OR3A2: variants seen among roughly 807,000 people sequenced by gnomAD.
The protein encoded by OR3A2 is olfactory receptor 3A2.
For synonymous variants in OR3A2, 126 were observed against 159.3 expected, an observed-to-expected ratio of 0.79 and a Z score of 1.57; for missense variants, 318 against 392.8, an observed-to-expected ratio of 0.81 and a Z score of 1.61.
chr17:3,352,689 C>T (rs117577092), intron 2 of OR3A2, among the ~76,000 whole-genome samples: 3,184 of 152,010 alleles, frequency 0.021, 44 homozygotes, highest in Non-Finnish European at 0.03. Flanking sequence ...CATAATTCTT[C>T]CAGTTTTGTT....
At chr17:3,375,733 A>G (rs909884514) in intron 2 of OR3A2, among the ~76,000 whole-genome samples, 11 of 152,162 alleles carry the variant, frequency 7.2e-5, no homozygotes, top group Admixed American at 1.3e-4. Flanking sequence ...AGACTGTTTT[A>G]GTGGAAAAAT....
At chr17:3,321,417 T>G (rs554820447) in intron 3 of OR3A2, among the ~76,000 whole-genome samples, 2,267 of 152,176 alleles carry the variant, frequency 0.015, 69 homozygotes, top group African/African-American at 0.05. Flanking sequence ...CAACACTATG[T>G]TGAATAGGAG....
At chr17:3,279,935 G>T (rs1030550098) in intron 1 of OR3A2, among the ~76,000 whole-genome samples, 2 of 152,164 alleles carry the variant, frequency 1.3e-5, no homozygotes, top group African/African-American at 4.8e-5. Flanking sequence ...ATTTCTTCAA[G>T]GTGAGGGACC....
intron 1 of OR3A2, among the ~76,000 whole-genome samples, chr17:3,279,727 G>T (rs1409119085): frequency 6.6e-6 from 1 of 152,164 alleles, no homozygotes; most frequent in Non-Finnish European, 1.5e-5. Context: ...CGTGGAGGTT[G>T]CAGTGAGCCA....
In OR3A2 at chr17:3,292,019, G is replaced by C. The variant is rs2048875447; in HGVS notation, c.-84-12866C>G. 8.1e-6 allele frequency: 13 copies of C among 1,614,124 alleles called. No individual in the cohort carries two copies. The highest frequency in any genetic ancestry group is 1.0e-5 in the Non-Finnish European group (12 of 1,180,054). ...GTTGGGTGCTGGAGCAGGAGAGCTGGAAGAGCTGTGGGAGGTCACAGTAGA... is the reference window on the plus strand; with the variant it reads ...GTTGGGTGCTGGAGCAGGAGAGCTGCAAGAGCTGTGGGAGGTCACAGTAGA... On this transcript the variant is annotated intron_variant, in intron 3 of 4. Coordinates refer to the OR3A2 transcript ENST00000573491.
chr17:3,330,299 G>A (rs2049219162), intron 3 of OR3A2, among the ~76,000 whole-genome samples: 1 of 150,018 alleles, frequency 6.7e-6, no homozygotes, highest in African/African-American at 2.5e-5. Flanking sequence ...TCTGTCTAAT[G>A]TTGACAATGG....
chr17:3,337,667 T>G (rs1344835082), intron 2 of OR3A2, among the ~76,000 whole-genome samples: 1 of 152,208 alleles, frequency 6.6e-6, no homozygotes, highest in African/African-American at 2.4e-5. Flanking sequence ...CTTAATCCAG[T>G]CTATCACTGA....
At chr17:3,287,141 T>C (rs116293780), upstream of OR3A2, among the ~76,000 whole-genome samples, 2,339 of 152,286 alleles carry the variant, frequency 0.015, 68 homozygotes, top group African/African-American at 0.053. Context: ...CTTTATATGG[T>C]AAAGGAGACT....
At chr17:3,314,124 AC>A (rs2049063004) in intron 3 of OR3A2, among the ~76,000 whole-genome samples, 1 of 152,226 alleles carries the variant, frequency 6.6e-6, no homozygotes, top group Non-Finnish European at 1.5e-5. Context: ...TTCTCCTCAA[AC>A]AAAAAAACCC....
chr17:3,311,868 C>T lies in OR3A2; in HGVS notation c.-85+24165G>A, dbSNP rs113642942. On this transcript the variant is annotated intron_variant, in intron 3 of 4. Transcript: ENST00000573491. This position sits in a 1 kb window ranked among gnomAD's most constrained non-coding sequence, Gnocchi z 4.6. ...CCATGCTGAACCCAGTCATTTACAG[C>T]CTCCAGAACCCTGATGTGCAGGGCA... is the stretch of plus-strand genomic sequence containing the variant. 4.0e-3 allele frequency: 653 copies of T among 162,420 alleles called. 2 individuals are homozygous for T. Among genetic ancestry groups the T allele is most frequent in the Non-Finnish European group, 7.0e-3 (511 of 72,728 alleles). The allele number at this position is 162,420 out of a possible 1,614,324, so 10.1% of individuals were successfully genotyped here. A position where few individuals can be genotyped will look rare whatever the true frequency, so the allele number is the denominator to read the frequency against.
At chr17:3,333,883 A>G (rs1249379988) in intron 3 of OR3A2, among the ~76,000 whole-genome samples, 1 of 152,212 alleles carries the variant, frequency 6.6e-6, no homozygotes, top group Non-Finnish European at 1.5e-5. Flanking sequence ...TCCAGAGTCT[A>G]CAAGGAACTT....
rs188225616 is a variant in OR3A2, at chr17:3,340,064, G to A, written c.-178-3938C>T. On this transcript the variant is annotated intron_variant, in intron 2 of 4. Coordinates refer to the OR3A2 transcript ENST00000573491. ...GATTTTGTAGTTCATTTGTGTAGAG[G>A]TGTTTATAGTATTCTCTGATGGTGG... 7.6e-4 allele frequency among the ~76,000 whole-genome samples: 116 copies of A among 152,216 alleles called. 1 individual carries two copies. Among genetic ancestry groups the A allele is most frequent in the Non-Finnish European group, 1.2e-3 (82 of 67,996 alleles).
chr17:3,319,497 G>C (rs1171978679), intron 3 of OR3A2, among the ~76,000 whole-genome samples: 1 of 151,886 alleles, frequency 6.6e-6, no homozygotes, highest in African/African-American at 2.4e-5. Flanking sequence ...TTTAGCATTA[G>C]GTATATCTCC....
intron 3 of OR3A2, chr17:3,291,822 A>C: frequency 6.2e-7 from 1 of 1,613,848 alleles, no homozygotes. Flanking sequence ...TGAACCATAG[A>C]ATATGGCAAC....
chr17:3,278,722 G>A, exon 2 of OR3A2: 1 of 1,324,392 alleles, frequency 7.6e-7, no homozygotes, highest in Non-Finnish European at 1.0e-6. Flanking sequence ...AGGTTCCCCA[G>A]GAAGAAGTAC....
At chr17:3,371,658 C>T in intron 2 of OR3A2, among the ~76,000 whole-genome samples, 1 of 137,042 alleles carries the variant, frequency 7.3e-6, no homozygotes, top group East Asian at 2.4e-4. Context: ...CAGAGGCGCC[C>T]CTCACCTCCC....
At chr17:3,332,684 G>A (rs1048450269) in intron 3 of OR3A2, among the ~76,000 whole-genome samples, 2 of 152,222 alleles carry the variant, frequency 1.3e-5, no homozygotes, top group Non-Finnish European at 2.9e-5. Context: ...GCTGGGAGCT[G>A]TAGACCAGAG....
intron 2 of OR3A2, among the ~76,000 whole-genome samples, chr17:3,362,148 G>A (rs907332209): frequency 7.9e-5 from 12 of 151,396 alleles, no homozygotes; most frequent in African/African-American, 2.4e-5. Context: ...GTCTTGGGAG[G>A]GTGTATGTGT....
At chr17:3,381,273 CATTTTAGCATGG>C (rs1269316508) in intron 2 of OR3A2, among the ~76,000 whole-genome samples, 1 of 151,328 alleles carries the variant, frequency 6.6e-6, no homozygotes, top group Non-Finnish European at 1.5e-5. Context: ...CAAAAGTGAC[CATTTTAGCATGG>C]AGTTGAAGGC....
Sources: gnomAD v4.1 joint callset for allele counts (sites outside exome capture counted in the v4.1 genomes callset) on GRCh38, gnomAD v4.1.1 for gene constraint, Gnocchi (gnomAD v3.1) non-coding constraint, MANE v1.5 for transcripts, NCBI Gene and HGNC (gene_info 2026-07-23, HGNC 2026-07-21) for gene names.